Variants in ZC3H12B observed in about 807,000 individuals in gnomAD.
ZC3H12B encodes probable ribonuclease ZC3H12B.
In ZC3H12B, 7 loss-of-function variants were observed where a neutral mutation model predicts 43.9. The observed-to-expected ratio is 0.16, with a 90% CI of 0.09 to 0.30. The LOEUF (loss-of-function observed/expected upper bound fraction) is 0.30, where lower values mean the gene tolerates loss of function less well. Ranked by LOEUF, ZC3H12B falls within the 10% of genes least tolerant of loss-of-function variation. The probability of loss-of-function intolerance (pLI) is 1.00; values close to 1 mark genes in which losing one functional copy is unlikely to be tolerated. For missense variants in ZC3H12B, 475 were observed against 670.2 expected, an observed-to-expected ratio of 0.71 and a Z score of 3.22; for synonymous variants, 222 against 241.7, an observed-to-expected ratio of 0.92 and a Z score of 0.76.
At chrX:65,271,943 G>A in the ZC3H12B span, 32 of 122,358 alleles carry the variant, frequency 2.6e-4, no homozygotes, top group Admixed American at 1.2e-3. Flanking sequence ...GGCCGGGTGC[G>A]GTGGCTCCTG....
At chrX:65,219,876 A>G in the ZC3H12B span, among the ~76,000 whole-genome samples, 46 of 109,056 alleles carry the variant, frequency 4.2e-4, no homozygotes, top group Admixed American at 5.9e-4. Context: ...ATTTTTTGCA[A>G]AAAGATCATC....
the ZC3H12B span, among the ~76,000 whole-genome samples, chrX:65,130,367 G>C: frequency 2.7e-4 from 30 of 111,233 alleles, no homozygotes; most frequent in Non-Finnish European, 4.7e-4. Flanking sequence ...AAATGACTGT[G>C]GTGACCTTTT....
At chrX:65,232,724 G>A in the ZC3H12B span, among the ~76,000 whole-genome samples, 1 of 110,877 alleles carries the variant, frequency 9.0e-6, no homozygotes, top group East Asian at 2.9e-4. Context: ...CAAAATAGTG[G>A]TAGTAAGTCC....
intron 2 of ZC3H12B, among the ~76,000 whole-genome samples, chrX:65,374,120 CTA>C (rs1205870744): frequency 3.2e-5 from 2 of 62,958 alleles, no homozygotes; most frequent in South Asian, 1.4e-3. Flanking sequence ...TTATATATAA[CTA>C]TATATAGTGT....
At chrX:65,128,300 C>T in the ZC3H12B span, among the ~76,000 whole-genome samples, 1,428 of 111,764 alleles carry the variant, frequency 0.013, 5 homozygotes, top group Middle Eastern at 0.028. Flanking sequence ...TTTTATTTCT[C>T]CTGAGATTTT....
At chrX:65,057,976 C>G in the ZC3H12B span, among the ~76,000 whole-genome samples, 2 of 111,592 alleles carry the variant, frequency 1.8e-5, no homozygotes, top group African/African-American at 6.5e-5. Flanking sequence ...TTCTGGTTAG[C>G]CATTCGTCCA....
At chrX:65,116,378 G>C in the ZC3H12B span, among the ~76,000 whole-genome samples, 1 of 110,722 alleles carries the variant, frequency 9.0e-6, no homozygotes, top group Non-Finnish European at 1.9e-5. Context: ...GTTTATTTAT[G>C]GGTTCTCTAT....
chrX:65,164,321 G>C, the ZC3H12B span, among the ~76,000 whole-genome samples: 1 of 111,153 alleles, frequency 9.0e-6, no homozygotes, highest in Non-Finnish European at 1.9e-5. Context: ...CAGTTTTTTG[G>C]TGTGGTTAAT....
chrX:65,227,340 C>A, the ZC3H12B span, among the ~76,000 whole-genome samples: 5 of 111,557 alleles, frequency 4.5e-5, no homozygotes, highest in African/African-American at 1.6e-4. Context: ...CCAATGACAA[C>A]AAAGACACAA....
At chrX:65,228,710 A>G in the ZC3H12B span, among the ~76,000 whole-genome samples, 2 of 112,331 alleles carry the variant, frequency 1.8e-5, no homozygotes, top group Non-Finnish European at 3.8e-5. Flanking sequence ...TCAATGTACA[A>G]AAATCACAAG....
At position 65,449,637 on chromosome X, in the gene ZC3H12B, A is replaced by T. The variant is rs186182211; in HGVS notation, n.408-39009A>T. The stretch of plus-strand genomic sequence containing the variant: ...CCATCTCAAAAGAATTAAAAAAAAA[A>T]TTGATATGTCTACAACACGGAATAC... On this transcript the variant is annotated intron_variant and non_coding_transcript_variant, in intron 3 of 5. Coordinates refer to the ZC3H12B transcript ENST00000617377. Among the ~76,000 whole-genome samples, 478 of 110,975 alleles carry T rather than the reference A, an allele frequency of 4.3e-3. 4 individuals carry two copies. Among genetic ancestry groups the T allele is most frequent in the African/African-American group, 0.015 (460 of 30,475 alleles).
chrX:65,152,347 C>G, the ZC3H12B span, among the ~76,000 whole-genome samples: 5 of 111,547 alleles, frequency 4.5e-5, no homozygotes, highest in Non-Finnish European at 9.4e-5. Flanking sequence ...TGTCTCAGCC[C>G]AAAATCTCCT....
intron 3 of ZC3H12B, among the ~76,000 whole-genome samples, chrX:65,439,509 A>G (rs1338407403): frequency 1.8e-5 from 2 of 111,365 alleles, no homozygotes; most frequent in Non-Finnish European, 1.9e-5. Flanking sequence ...AAGTACGTTC[A>G]TTTTTTCTAA....
At chrX:65,036,078 G>A in the ZC3H12B span, among the ~76,000 whole-genome samples, 1 of 111,779 alleles carries the variant, frequency 8.9e-6, no homozygotes, top group East Asian at 2.8e-4. Context: ...AAGATAGTCG[G>A]TTCCAGAAAA....
the ZC3H12B span, among the ~76,000 whole-genome samples, chrX:65,304,033 C>G: frequency 8.9e-6 from 1 of 112,246 alleles, no homozygotes; most frequent in Non-Finnish European, 1.9e-5. Context: ...AATTCACAAA[C>G]CAATTTTAAA....
chrX:65,100,157 G>A, the ZC3H12B span, among the ~76,000 whole-genome samples: 1 of 111,253 alleles, frequency 9.0e-6, no homozygotes, highest in Non-Finnish European at 1.9e-5. Context: ...TCAGCTTAAT[G>A]AAATAAAGCA....
chrX:65,140,947 CTTTG>C, the ZC3H12B span, among the ~76,000 whole-genome samples: 1 of 111,446 alleles, frequency 9.0e-6, no homozygotes, highest in South Asian at 3.7e-4. Flanking sequence ...CGAGGCTTCT[CTTTG>C]TTTATTTGTT....
the ZC3H12B span, among the ~76,000 whole-genome samples, chrX:65,197,424 C>T: frequency 8.9e-6 from 1 of 111,997 alleles, no homozygotes; most frequent in Non-Finnish European, 1.9e-5. Context: ...ATTTGAAAGA[C>T]CTCTTTCTAA....
At chrX:65,134,431 G>A in the ZC3H12B span, among the ~76,000 whole-genome samples, 81 of 111,876 alleles carry the variant, frequency 7.2e-4, no homozygotes, top group African/African-American at 2.5e-3. Context: ...TGGGTCCATG[G>A]ATAAAATGTG....
Sources: gnomAD v4.1 joint callset for allele counts (sites outside exome capture counted in the v4.1 genomes callset) on GRCh38, gnomAD v4.1.1 for gene constraint, MANE v1.5 for transcripts, NCBI Gene and HGNC (gene_info 2026-07-23, HGNC 2026-07-21) for gene names.